The following PCDHGA1 variants were observed in gnomAD, a reference collection of about 807,000 sequenced individuals.
PCDHGA1 encodes the protein protocadherin gamma subfamily A, 1, also known as protocadherin gamma-A1.
PCDHGA1 carries 32 observed loss-of-function variants against 58.0 expected under a neutral mutation model. That is an observed-to-expected ratio of 0.55 (90% CI 0.42 to 0.74). The LOEUF is 0.74. Ranked by LOEUF, PCDHGA1 falls within the 30% of genes least tolerant of loss-of-function variation. The pLI is 0.00. For missense variants in PCDHGA1, 1,205 were observed against 1,182.3 expected (o/e 1.02, Z -0.28); for synonymous variants, 498 against 501.1 (o/e 0.99, Z 0.08).
chr5:141,433,286 T>C (rs2097581877), intron 1 of PCDHGA1: 2 of 1,143,608 alleles, frequency 1.7e-6, no homozygotes, highest in African/African-American at 1.6e-5. Flanking sequence ...CTCAAACTCC[T>C]AGGCTCAAGC....
chr5:141,347,084 CTCCT>C (rs140860697), intron 1 of PCDHGA1, among the ~76,000 whole-genome samples: 2,378 of 135,730 alleles, frequency 0.018, 72 homozygotes, highest in African/African-American at 0.063. Context: ...TCTCTCTTTC[CTCCT>C]TCCTTCCTTC....
At chr5:141,370,324 C>T (rs1766812702) in intron 1 of PCDHGA1, 1 of 1,378,622 alleles carries the variant, frequency 7.3e-7, no homozygotes, top group African/African-American at 1.4e-5. Flanking sequence ...TGGTCCTGCT[C>T]GGAGAACTCT....
intron 1 of PCDHGA1, chr5:141,389,914 C>T (rs754458764): frequency 6.2e-7 from 1 of 1,613,956 alleles, no homozygotes; most frequent in South Asian, 1.1e-5. Flanking sequence ...ACTGACCGCC[C>T]CGACCCCTCT....
intron 1 of PCDHGA1, chr5:141,418,237 T>G (rs1470328670): frequency 6.2e-7 from 1 of 1,614,044 alleles, no homozygotes. Context: ...TTGAGGATGT[T>G]AATGACCACG....
chr5:141,393,500 C>T lies in PCDHGA1; in HGVS notation c.2421+60395C>T, dbSNP rs747121608. 6.2e-6 allele frequency: 10 copies of T among 1,613,922 alleles called. No homozygotes were observed. In the African/African-American group the frequency reaches 6.7e-5, roughly 11 times the overall value. On this transcript the variant is annotated intron_variant, in intron 1 of 3. Coordinates refer to ENST00000517417, the MANE Select transcript of PCDHGA1 (RefSeq NM_018912.3). The stretch of plus-strand genomic sequence containing the variant: ...CTCGCTCTAGCACAGTGCGCATCCA[C>T]GTGACAGTGTTGGATACAAATGACA...
chr5:141,401,171 G>T (rs1222326375), intron 1 of PCDHGA1, among the ~76,000 whole-genome samples: 1 of 152,054 alleles, frequency 6.6e-6, no homozygotes, highest in African/African-American at 2.4e-5. Flanking sequence ...GTGAAAACCC[G>T]TCTCTACTAA....
chr5:141,375,790 A>T, intron 1 of PCDHGA1: 1 of 1,614,216 alleles, frequency 6.2e-7, no homozygotes. Context: ...CCCTCCCCAC[A>T]GACGGTTCCA....
At chr5:141,421,564 G>T (rs2096583836) in intron 1 of PCDHGA1, 2 of 1,613,864 alleles carry the variant, frequency 1.2e-6, no homozygotes, top group Admixed American at 3.3e-5. Flanking sequence ...TCTCGTGGAA[G>T]ACACCTTGAA....
At chr5:141,345,873 C>T (rs776389282) in intron 1 of PCDHGA1, 3 of 1,613,462 alleles carry the variant, frequency 1.9e-6, no homozygotes, top group Non-Finnish European at 8.5e-7. Context: ...GGCCAGCGAG[C>T]CGGGACTCTT....
chr5:141,394,444 G>A (rs2093001580), intron 1 of PCDHGA1: 1 of 1,614,228 alleles, frequency 6.2e-7, no homozygotes, highest in Non-Finnish European at 8.5e-7. Context: ...CCCCTCAGCA[G>A]CAACATGTCA....
At chr5:141,364,936 C>T in intron 1 of PCDHGA1, 1 of 1,613,878 alleles carries the variant, frequency 6.2e-7, no homozygotes, top group South Asian at 1.1e-5. Flanking sequence ...CCCTAGACCG[C>T]GAGAAAGAGA....
chr5:141,408,824 C>T, intron 1 of PCDHGA1: 1 of 1,613,560 alleles, frequency 6.2e-7, no homozygotes, highest in South Asian at 1.1e-5. Context: ...ACAGAGATCT[C>T]ATAGCTTGAT....
At chr5:141,415,736 TA>T in intron 1 of PCDHGA1, 1 of 1,289,980 alleles carries the variant, frequency 7.8e-7, no homozygotes, top group South Asian at 1.8e-5. Context: ...TGATGTTTAT[TA>T]AGGTTTTTTT....
intron 1 of PCDHGA1, chr5:141,414,112 T>C (rs967826724): frequency 1.3e-6 from 2 of 1,592,428 alleles, no homozygotes; most frequent in African/African-American, 2.7e-5. Context: ...AAATCTAGAT[T>C]ATGAAGAAAC....
chr5:141,364,720 C>T (rs1763500298), intron 1 of PCDHGA1: 6 of 1,613,946 alleles, frequency 3.7e-6, no homozygotes, highest in Non-Finnish European at 5.1e-6. Flanking sequence ...ATGATAACTT[C>T]CCGCGTTTCC....
At chr5:141,433,308 C>A in intron 1 of PCDHGA1, 2 of 915,352 alleles carry the variant, frequency 2.2e-6, no homozygotes, top group Non-Finnish European at 1.6e-6. Context: ...ATTATCCCAC[C>A]TTTGCCTCCG....
Position 141,331,356 on chromosome 5 carries a change from G to A in PCDHGA1, c.672G>A (p.Gly224=). The A allele has an allele frequency of 6.2e-7, 1 of 1,614,126 alleles. No individual in the cohort carries two copies. Among genetic ancestry groups the A allele is most frequent in the Non-Finnish European group, 8.5e-7 (1 of 1,180,052 alleles). ...ATGGGGGTGAACCAGTCCGTTCAGG[G>A]ACCCTCAGAATTTACATTCAGGTGG... is the stretch of plus-strand genomic sequence containing the variant. ...ASDGGEPVRS[G]TLRIYIQVVD... Residue 224 remains glycine (G), a synonymous_variant, in exon 1 of 4, where the codon GGG becomes GGA. Coordinates refer to ENST00000517417, the MANE Select transcript of PCDHGA1 (RefSeq NM_018912.3).
At chr5:141,380,834 G>T (rs559775684) in intron 1 of PCDHGA1, among the ~76,000 whole-genome samples, 2 of 152,154 alleles carry the variant, frequency 1.3e-5, no homozygotes, top group Admixed American at 1.3e-4. Flanking sequence ...TGAGGCATCA[G>T]GTAAAAATGG....
intron 1 of PCDHGA1, chr5:141,405,129 G>A (rs755961534): frequency 9.9e-6 from 16 of 1,613,846 alleles, no homozygotes; most frequent in Middle Eastern, 3.3e-4. Context: ...CATCTGCTGC[G>A]GGCTACCAGT....
Sources: gnomAD v4.1 joint callset for allele counts (sites outside exome capture counted in the v4.1 genomes callset) on GRCh38, gnomAD v4.1.1 for gene constraint, MANE v1.5 for transcripts, NCBI Gene and HGNC (gene_info 2026-07-23, HGNC 2026-07-21) for gene names.